The following IFT52 variants were observed in gnomAD, a reference collection of about 807,000 sequenced individuals.
The protein encoded by IFT52 is intraflagellar transport protein 52 homolog.
IFT52 carries 44 observed loss-of-function variants against 54.4 expected under a neutral mutation model. The observed-to-expected ratio is 0.81, with a 90% CI of 0.63 to 1.04. IFT52 has a LOEUF of 1.04. Ranked by LOEUF, IFT52 falls within the 50% of genes least tolerant of loss-of-function variation. IFT52 has a pLI of 0.00. For missense variants in IFT52, 452 were observed against 523.6 expected, an observed-to-expected ratio of 0.86 and a Z score of 1.33; for synonymous variants, 181 against 185.3, an observed-to-expected ratio of 0.98 and a Z score of 0.19.
chr20:43,591,300 A>G (rs1981493763), intron 1 of IFT52, among the ~76,000 whole-genome samples: 1 of 152,266 alleles, frequency 6.6e-6, no homozygotes, highest in Non-Finnish European at 1.5e-5. Context: ...GCATGGGACG[A>G]GGAATCGTAC....
At chr20:43,621,337 A>G (rs1183897659) in intron 9 of IFT52, among the ~76,000 whole-genome samples, 3 of 152,234 alleles carry the variant, frequency 2.0e-5, no homozygotes, top group Non-Finnish European at 4.4e-5. Flanking sequence ...AAGGCATTAT[A>G]ATAATATTCA....
At chr20:43,607,252 G>T (rs796763851) in intron 6 of IFT52, among the ~76,000 whole-genome samples, 18 of 135,344 alleles carry the variant, frequency 1.3e-4, no homozygotes, top group South Asian at 2.4e-4. Context: ...GCGGCTGGCC[G>T]GGCGGGGGGC....
rs1986098028 is a variant in IFT52 at position 43,644,459 on chromosome 20, A to G, written c.1266+1835A>G. 3.4e-5 allele frequency among the ~76,000 whole-genome samples: 2 copies of G among 59,194 alleles called. 1 individual carries two copies. Among genetic ancestry groups the G allele is most frequent in the South Asian group, 1.2e-3 (2 of 1,704 alleles). 38.8% of individuals were successfully genotyped at this position (59,194 alleles called of 152,430 possible). On this transcript the variant is annotated intron_variant, in intron 13 of 13. Transcript: ENST00000373030. ...CAATAGGGAACTGGTTAAGTATCCTAGGGTACATCCATAAGATAAAAAATG... is the reference window on the plus strand; with the variant it reads ...CAATAGGGAACTGGTTAAGTATCCTGGGGTACATCCATAAGATAAAAAATG...
chr20:43,601,604 T>C (rs1289986024), intron 3 of IFT52, among the ~76,000 whole-genome samples: 1 of 152,198 alleles, frequency 6.6e-6, no homozygotes, highest in African/African-American at 2.4e-5. Flanking sequence ...TACTATATAC[T>C]CATTGCATTT....
At chr20:43,646,231 T>C (rs1241572160) in intron 13 of IFT52, among the ~76,000 whole-genome samples, 1 of 151,452 alleles carries the variant, frequency 6.6e-6, no homozygotes, top group African/African-American at 2.4e-5. Flanking sequence ...AAAAATTCTA[T>C]AGTGACTGTG....
rs1208638008 is a variant in IFT52 at position 43,647,080 on chromosome 20, C to G, written c.*97C>G. 7 of 1,036,864 alleles carry G rather than the reference C, an allele frequency of 6.8e-6. No homozygotes were observed. The African/African-American group carries it at 1.1e-4, about 16-fold the overall frequency. The allele number at this position is 1,036,864 out of a possible 1,614,324, so 64.2% of individuals were successfully genotyped here. A position where few individuals can be genotyped will look rare whatever the true frequency, so the allele number is the denominator to read the frequency against. ...ACTCCTTATCAAAATTGTTTATACA[C>G]TCTTTCCTCCATGAGCTCTGGAAGG... On this transcript the variant is annotated 3_prime_UTR_variant, in exon 14 of 14. Transcript: ENST00000373030.
At chr20:43,626,878 A>G (rs979421227) in intron 10 of IFT52, among the ~76,000 whole-genome samples, 1 of 152,094 alleles carries the variant, frequency 6.6e-6, no homozygotes, top group Non-Finnish European at 1.5e-5. Flanking sequence ...GAAACAGAAA[A>G]TCCAGCTGGG....
intron 7 of IFT52, 73 bp downstream of exon 7, chr20:43,614,049 C>T: frequency 2.1e-6 from 3 of 1,398,084 alleles, no homozygotes; most frequent in Non-Finnish European, 3.0e-6. Flanking sequence ...CTTACCATTT[C>T]CAGAAGGCTT....
intron 7 of IFT52, 84 bp from the exon 8 acceptor site, chr20:43,618,856 A>G (rs1239367988): frequency 2.3e-6 from 2 of 868,210 alleles, no homozygotes; most frequent in East Asian, 2.5e-5. Flanking sequence ...AGTTGCTAGC[A>G]TGATTCTAAT....
chr20:43,593,101 AAATAATAAT>A (rs951117490), intron 1 of IFT52, among the ~76,000 whole-genome samples: 1 of 152,154 alleles, frequency 6.6e-6, no homozygotes, highest in Non-Finnish European at 1.5e-5. Context: ...CTTTTATCTC[AAATAATAAT>A]AATAAGAAGA....
intron 12 of IFT52, among the ~76,000 whole-genome samples, chr20:43,639,914 A>G (rs1460450312): frequency 1.3e-5 from 2 of 151,910 alleles, no homozygotes; most frequent in African/African-American, 2.4e-5. Context: ...GATGGCTCAC[A>G]CCTATAATCC....
intron 8 of IFT52, among the ~76,000 whole-genome samples, chr20:43,619,719 T>TA (rs942955425): frequency 1.1e-4 from 16 of 152,048 alleles, no homozygotes; most frequent in African/African-American, 3.1e-4. Context: ...GAACATGTCT[T>TA]ACGGAAGATG....
At chr20:43,632,973 C>A (rs1385620714) in intron 10 of IFT52, among the ~76,000 whole-genome samples, 2 of 152,024 alleles carry the variant, frequency 1.3e-5, no homozygotes, top group African/African-American at 4.8e-5. Flanking sequence ...CTGAAAGGAT[C>A]ATTACATTAT....
chr20:43,625,141 A>G (rs1600495770), intron 10 of IFT52, among the ~76,000 whole-genome samples: 1 of 152,272 alleles, frequency 6.6e-6, no homozygotes. Context: ...TGTAAATTAA[A>G]GAATATGTTA....
intron 12 of IFT52, among the ~76,000 whole-genome samples, chr20:43,639,033 C>T (rs746562493): frequency 1.5e-4 from 23 of 152,078 alleles, no homozygotes; most frequent in Non-Finnish European, 3.1e-4. Flanking sequence ...AATCACAGAA[C>T]GGTGAAGAAG....
chr20:43,621,151 C>G (rs1399940759), intron 9 of IFT52: 1 of 384,534 alleles, frequency 2.6e-6, no homozygotes, highest in Admixed American at 4.2e-5. Context: ...TACATACATA[C>G]AGTATGTATA....
At chr20:43,591,679 A>T (rs1981530374) in intron 1 of IFT52, among the ~76,000 whole-genome samples, 1 of 152,210 alleles carries the variant, frequency 6.6e-6, no homozygotes, top group Admixed American at 6.5e-5. Context: ...TCTAAAATTA[A>T]TGCTAATAAG....
intron 9 of IFT52, among the ~76,000 whole-genome samples, chr20:43,622,051 A>T (rs1363605714): frequency 6.6e-6 from 1 of 152,166 alleles, no homozygotes; most frequent in Non-Finnish European, 1.5e-5. Context: ...AACTGCACTT[A>T]CTCTACAATT....
Position 43,623,903 on chromosome 20 carries a change from A to C in IFT52, c.781A>C (p.Met261Leu). 6.2e-7 allele frequency: 1 copy of C among 1,614,044 alleles called. No individual in the cohort carries two copies. Among genetic ancestry groups the C allele is most frequent in the Non-Finnish European group, 8.5e-7 (1 of 1,179,960 alleles). Residue 261 changes from methionine to leucine, a missense_variant, in exon 10 of 14, where the codon ATG (methionine) becomes CTG (leucine). Met to Leu is a conservative substitution (Grantham distance 15). Coordinates refer to ENST00000373030, the MANE Select transcript of IFT52 (RefSeq NM_016004.5). ...DAEDPEISDY[M>L]MLPYTATLSK... Reference sequence around the variant, plus strand: ...TTGTGGCTTTCAGATTTCTGACTACATGATGCTGCCCTACACAGCCACCCT... The same window carrying C: ...TTGTGGCTTTCAGATTTCTGACTACCTGATGCTGCCCTACACAGCCACCCT...
Sources: gnomAD v4.1 joint callset for allele counts (sites outside exome capture counted in the v4.1 genomes callset) on GRCh38, gnomAD v4.1.1 for gene constraint, MANE v1.5 for transcripts, NCBI Gene and HGNC (gene_info 2026-07-23, HGNC 2026-07-21) for gene names.